LAMA2: variants seen among roughly 807,000 people sequenced by gnomAD.
LAMA2 encodes laminin subunit alpha-2.
LAMA2 carries 269 observed loss-of-function variants against 364.8 expected under a neutral mutation model. The observed-to-expected ratio is 0.74, with a 90% confidence interval of 0.67 to 0.82. The LOEUF (loss-of-function observed/expected upper bound fraction) is 0.82. LAMA2 is among the 40% of genes least tolerant of loss of function. The pLI is 0.00. For missense variants in LAMA2, 3,807 were observed against 3,873.2 expected (o/e 0.98, Z 0.45); for synonymous variants, 1,379 against 1,370.6 (o/e 1.01, Z -0.14).
At chr6:129,437,817 C>G (rs1338305134) in intron 41 of LAMA2, among the ~76,000 whole-genome samples, 4 of 152,064 alleles carry the variant, frequency 2.6e-5, no homozygotes, top group African/African-American at 9.6e-5. Flanking sequence ...CTTATATCAA[C>G]AGATTGGATC....
intron 1 of LAMA2, among the ~76,000 whole-genome samples, chr6:128,980,724 A>G (rs77028409): frequency 0.028 from 4,287 of 152,256 alleles, 193 homozygotes; most frequent in African/African-American, 0.09. Flanking sequence ...TATTTCCTCC[A>G]CAAAGACTTA....
intron 12 of LAMA2, among the ~76,000 whole-genome samples, chr6:129,224,277 T>C (rs1784082256): frequency 6.6e-6 from 1 of 152,124 alleles, no homozygotes; most frequent in Admixed American, 6.6e-5. Context: ...AATATACAAT[T>C]ATGTCATCTG....
chr6:129,191,933 C>A (rs572236981), intron 11 of LAMA2, among the ~76,000 whole-genome samples: 2 of 152,284 alleles, frequency 1.3e-5, no homozygotes, highest in South Asian at 4.1e-4. Context: ...TAGGCCTGAC[C>A]TTGGCTGAAG....
intron 12 of LAMA2, among the ~76,000 whole-genome samples, chr6:129,224,710 T>C (rs901984260): frequency 6.6e-6 from 1 of 152,234 alleles, no homozygotes; most frequent in African/African-American, 2.4e-5. Context: ...GATAAGCTTT[T>C]TGATGTGCTG....
intron 4 of LAMA2, among the ~76,000 whole-genome samples, chr6:129,133,282 G>A (rs969418562): frequency 2.9e-4 from 44 of 152,184 alleles, no homozygotes; most frequent in Non-Finnish European, 2.5e-4. Context: ...TAGAGTAATT[G>A]AACACATGAT....
At chr6:129,027,941 TGA>T (rs1785948888) in intron 1 of LAMA2, among the ~76,000 whole-genome samples, 1 of 151,796 alleles carries the variant, frequency 6.6e-6, no homozygotes, top group South Asian at 2.1e-4. Context: ...AAAAGTCAAG[TGA>T]GAGAGATTCT....
intron 1 of LAMA2, among the ~76,000 whole-genome samples, chr6:129,031,374 A>G (rs544957274): frequency 6.6e-6 from 1 of 152,210 alleles, no homozygotes; most frequent in African/African-American, 2.4e-5. Context: ...TGATAATGCA[A>G]TAGAGAAATT....
chr6:129,318,409 C>A (rs1173823234), intron 27 of LAMA2, among the ~76,000 whole-genome samples: 8 of 151,624 alleles, frequency 5.3e-5, no homozygotes, highest in Non-Finnish European at 1.2e-4. Context: ...GCTCTCTAAT[C>A]CCCTGAAAAA....
intron 62 of LAMA2, among the ~76,000 whole-genome samples, chr6:129,508,199 AT>A (rs1786261240): frequency 6.7e-6 from 1 of 149,444 alleles, no homozygotes; most frequent in Non-Finnish European, 1.5e-5. Context: ...GAAATAGGAA[AT>A]AACCTCTACA....
chr6:129,040,530 C>T (rs932592156), intron 1 of LAMA2, among the ~76,000 whole-genome samples: 1 of 152,044 alleles, frequency 6.6e-6, no homozygotes, highest in African/African-American at 2.4e-5. Context: ...TCAGGATGCT[C>T]AGGCAAGAGG....
At chr6:129,094,245 T>G (rs1775034643) in intron 3 of LAMA2, among the ~76,000 whole-genome samples, 1 of 152,228 alleles carries the variant, frequency 6.6e-6, no homozygotes, top group South Asian at 2.1e-4. Context: ...TACATGACTT[T>G]CAAGTCATTT....
At chr6:129,351,813 T>TA (rs1776867971) in intron 31 of LAMA2, among the ~76,000 whole-genome samples, 2 of 152,228 alleles carry the variant, frequency 1.3e-5, no homozygotes, top group South Asian at 4.1e-4. Flanking sequence ...TAAGTGGACT[T>TA]ACTTAAATGC....
At chr6:129,342,029 C>T (rs1412348821) in intron 29 of LAMA2, among the ~76,000 whole-genome samples, 1 of 152,114 alleles carries the variant, frequency 6.6e-6, no homozygotes, top group African/African-American at 2.4e-5. Context: ...TTTAGAGACT[C>T]GAAGTCTATT....
At chr6:129,053,266 T>G (rs1267652118) in intron 2 of LAMA2, among the ~76,000 whole-genome samples, 1 of 152,120 alleles carries the variant, frequency 6.6e-6, no homozygotes, top group East Asian at 1.9e-4. Flanking sequence ...GGTTTCTCCA[T>G]GTTGGTTAGG....
At chr6:129,226,213 T>A (rs1180109553) in intron 12 of LAMA2, among the ~76,000 whole-genome samples, 2 of 152,250 alleles carry the variant, frequency 1.3e-5, no homozygotes, top group Non-Finnish European at 2.9e-5. Flanking sequence ...CCCTTTATTT[T>A]GAGCCTGTGT....
intron 9 of LAMA2, among the ~76,000 whole-genome samples, chr6:129,172,207 G>A (rs1263732210): frequency 8.6e-5 from 13 of 152,026 alleles, no homozygotes; most frequent in Non-Finnish European, 1.8e-4. Flanking sequence ...GCTTTGTTCC[G>A]TTGCTGGTGA....
In LAMA2 at chr6:129,213,897, A is replaced by G. The variant is rs538996977; in HGVS notation, c.1782+21044A>G. Among the ~76,000 whole-genome samples, 20 of 152,098 alleles carry G rather than the reference A, an allele frequency of 1.3e-4. No individual in the cohort carries two copies. The South Asian group carries it at 1.5e-3, about 11-fold the overall frequency. ...ATGAATTTTTATTTCATGGATCTTGACTTTAGTGTTATATATAAAGAGTTA... is the reference window on the plus strand; with the variant it reads ...ATGAATTTTTATTTCATGGATCTTGGCTTTAGTGTTATATATAAAGAGTTA... On this transcript the variant is annotated intron_variant, in intron 12 of 64. Transcript: ENST00000421865.
chr6:129,501,650 C>T (rs1390540110), intron 58 of LAMA2, among the ~76,000 whole-genome samples: 2 of 152,150 alleles, frequency 1.3e-5, no homozygotes, highest in African/African-American at 4.8e-5. Flanking sequence ...ACTGGGGCAG[C>T]GGCCCAGCCA....
intron 3 of LAMA2, among the ~76,000 whole-genome samples, chr6:129,064,363 C>CAA (rs61014931): frequency 8.5e-6 from 1 of 117,518 alleles, no homozygotes; most frequent in African/African-American, 3.1e-5. Context: ...TTCAAGAAAG[C>CAA]AAAAAAAAAA....
Sources: allele counts gnomAD v4.1 joint callset (sites outside exome capture counted in the v4.1 genomes callset), GRCh38; gene constraint gnomAD v4.1.1; transcripts MANE v1.5; gene names NCBI Gene and HGNC (gene_info 2026-07-23, HGNC 2026-07-21).